The following THSD4 variants were observed in gnomAD, a reference collection of about 807,000 sequenced individuals.
The protein encoded by THSD4 is thrombospondin type-1 domain-containing protein 4.
A neutral mutation model predicts 119.0 loss-of-function variants in THSD4; 69 were observed. That is an observed-to-expected ratio of 0.58 (90% CI 0.48 to 0.71). The LOEUF is 0.71. Ranked by LOEUF, THSD4 falls within the 30% of genes least tolerant of loss-of-function variation. The probability of loss-of-function intolerance (pLI) is 0.00; values close to 1 mark genes in which losing one functional copy is unlikely to be tolerated. For synonymous variants in THSD4, 524 were observed against 540.4 expected (o/e 0.97, Z 0.42); for missense variants, 1,393 against 1,391.1 (o/e 1.00, Z -0.02).
At chr15:71,597,476 C>G (rs1313129454) in intron 7 of THSD4, among the ~76,000 whole-genome samples, 7 of 152,120 alleles carry the variant, frequency 4.6e-5, no homozygotes, top group Admixed American at 4.6e-4. Flanking sequence ...AGTGTTTATG[C>G]CAGCTATTTC....
intron 6 of THSD4, among the ~76,000 whole-genome samples, chr15:71,264,167 G>A (rs1475997956): frequency 6.6e-6 from 1 of 152,214 alleles, no homozygotes; most frequent in Admixed American, 6.5e-5. Flanking sequence ...TATGAGGGAG[G>A]GAGGCTTGTG....
intron 7 of THSD4, among the ~76,000 whole-genome samples, chr15:71,471,294 C>A (rs2047575570): frequency 1.3e-5 from 2 of 152,086 alleles, no homozygotes; most frequent in South Asian, 4.1e-4. Context: ...GTGGAGGTGT[C>A]CAAAAATCAG....
intron 6 of THSD4, among the ~76,000 whole-genome samples, chr15:71,391,124 G>A (rs1203474159): frequency 1.3e-5 from 2 of 151,470 alleles, no homozygotes; most frequent in Non-Finnish European, 1.5e-5. Context: ...CGCCTCCCGG[G>A]TTCACACCAT....
At chr15:71,224,918 C>T (rs8039066) in intron 4 of THSD4, among the ~76,000 whole-genome samples, 2 of 152,128 alleles carry the variant, frequency 1.3e-5, no homozygotes, top group African/African-American at 4.8e-5. Flanking sequence ...CCACAAAGTC[C>T]CATTGCCATA....
intron 7 of THSD4, among the ~76,000 whole-genome samples, chr15:71,463,938 A>C (rs767090309): frequency 4.2e-4 from 64 of 152,198 alleles, no homozygotes; most frequent in South Asian, 1.0e-3. Flanking sequence ...AGATATGTTT[A>C]TTCCATGCGA....
At chr15:71,648,246 C>T (rs1334428696) in intron 7 of THSD4, among the ~76,000 whole-genome samples, 1 of 152,136 alleles carries the variant, frequency 6.6e-6, no homozygotes, top group East Asian at 1.9e-4. Flanking sequence ...GTGCCAAGCA[C>T]ATGGTGAGTG....
At chr15:71,591,339 A>G (rs1041061978) in intron 7 of THSD4, among the ~76,000 whole-genome samples, 1 of 152,184 alleles carries the variant, frequency 6.6e-6, no homozygotes, top group Admixed American at 6.5e-5. Context: ...CCTTTGGTCT[A>G]AGCTCAAGTG....
chr15:71,133,995 G>A (rs2040527142), intron 1 of THSD4, among the ~76,000 whole-genome samples: 1 of 152,220 alleles, frequency 6.6e-6, no homozygotes, highest in Admixed American at 6.5e-5. Flanking sequence ...TTGCTTGAAA[G>A]CTGCCAGGGA....
chr15:71,302,562 G>A lies in THSD4; in HGVS notation c.1015+45847G>A, dbSNP rs181294119. Among the ~76,000 whole-genome samples the A allele has an allele frequency of 8.2e-5, 12 of 147,200 alleles. No individual in the cohort carries two copies. The East Asian group carries it at 2.4e-3, about 29-fold the overall frequency. On this transcript the variant is annotated intron_variant, in intron 6 of 17. Coordinates refer to ENST00000261862, the MANE Select transcript of THSD4 (RefSeq NM_024817.3). Reference sequence around the variant, plus strand: ...CCACTTACTTTGATTTTTCCAAGTGGAATGGTTTTGTTGGGTGGGAGTGGG... The same window carrying A: ...CCACTTACTTTGATTTTTCCAAGTGAAATGGTTTTGTTGGGTGGGAGTGGG...
chr15:71,611,238 T>C (rs1009478663), intron 7 of THSD4, among the ~76,000 whole-genome samples: 6 of 152,256 alleles, frequency 3.9e-5, no homozygotes, highest in African/African-American at 1.4e-4. Flanking sequence ...TTCCCTTGTG[T>C]ATCCTCTGCC....
At chr15:71,124,817 A>G (rs1290152756) in intron 1 of THSD4, among the ~76,000 whole-genome samples, 7 of 152,076 alleles carry the variant, frequency 4.6e-5, no homozygotes, top group Non-Finnish European at 1.0e-4. Flanking sequence ...CCGGGATGAG[A>G]AGATCGCTTG....
At chr15:71,430,230 C>T (rs1389859506) in intron 7 of THSD4, among the ~76,000 whole-genome samples, 1 of 152,116 alleles carries the variant, frequency 6.6e-6, no homozygotes, top group Non-Finnish European at 1.5e-5. Flanking sequence ...GGGCTAGAAT[C>T]TAACAACAGA....
intron 1 of THSD4, among the ~76,000 whole-genome samples, chr15:71,128,328 A>C (rs1022949274): frequency 6.6e-6 from 1 of 152,002 alleles, no homozygotes; most frequent in Non-Finnish European, 1.5e-5. Flanking sequence ...GGAGTTTGAG[A>C]CCAGCCTGGC....
intron 8 of THSD4, among the ~76,000 whole-genome samples, chr15:71,727,090 C>T (rs963955465): frequency 2.6e-5 from 4 of 152,222 alleles, no homozygotes; most frequent in African/African-American, 9.6e-5. Flanking sequence ...CTTCTCCTTT[C>T]GTACCCGCCT....
intron 6 of THSD4, among the ~76,000 whole-genome samples, chr15:71,393,324 A>T (rs1401353334): frequency 6.6e-6 from 1 of 151,936 alleles, no homozygotes; most frequent in Non-Finnish European, 1.5e-5. Flanking sequence ...CCTGAATGGG[A>T]TGAATGAATG....
intron 7 of THSD4, among the ~76,000 whole-genome samples, chr15:71,544,369 T>C (rs796804221): frequency 4.6e-5 from 7 of 152,338 alleles, no homozygotes; most frequent in African/African-American, 1.7e-4. Flanking sequence ...CTCATAGTGC[T>C]CAACGAATGT....
intron 1 of THSD4, among the ~76,000 whole-genome samples, chr15:71,133,166 G>T (rs958094725): frequency 2.6e-5 from 4 of 152,204 alleles, no homozygotes; most frequent in South Asian, 4.1e-4. Flanking sequence ...AGTGGAGGAA[G>T]GCTGGAGTGT....
chr15:71,097,964 T>C (rs2040238350), intron 1 of THSD4, among the ~76,000 whole-genome samples: 1 of 152,008 alleles, frequency 6.6e-6, no homozygotes, highest in African/African-American at 2.4e-5. Context: ...CTCGCAGTGA[T>C]GTTTTTGGGG....
intron 8 of THSD4, among the ~76,000 whole-genome samples, chr15:71,682,915 TTCTTC>T (rs2051822535): frequency 3.0e-5 from 3 of 100,254 alleles, no homozygotes; most frequent in African/African-American, 4.7e-5. Flanking sequence ...TTTCTTCTTC[TTCTTC>T]TTTTTTTTTT....
Sources: allele counts gnomAD v4.1 joint callset (sites outside exome capture counted in the v4.1 genomes callset), GRCh38; gene constraint gnomAD v4.1.1; transcripts MANE v1.5; gene names NCBI Gene and HGNC (gene_info 2026-07-23, HGNC 2026-07-21).